Variants in PIP5K1B observed in about 807,000 individuals in gnomAD.
PIP5K1B encodes phosphatidylinositol 4-phosphate 5-kinase type-1 beta.
PIP5K1B carries 42 observed loss-of-function variants against 67.0 expected under a neutral mutation model. The ratio of observed to expected loss-of-function variants is 0.63; its 90% CI spans 0.49 to 0.81. The LOEUF is 0.81. Among genes scored for constraint, PIP5K1B ranks in the 30% least tolerant of loss-of-function variants. PIP5K1B has a pLI of 0.00. For missense variants in PIP5K1B, 459 were observed against 646.3 expected, an observed-to-expected ratio of 0.71 and a Z score of 3.14; for synonymous variants, 214 against 231.4, an observed-to-expected ratio of 0.92 and a Z score of 0.68.
intron 4 of PIP5K1B, among the ~76,000 whole-genome samples, chr9:68,841,466 G>A (rs1020684849): frequency 1.3e-5 from 2 of 152,264 alleles, no homozygotes; most frequent in South Asian, 2.1e-4. Context: ...ATCTCTACGT[G>A]GGGTATAGAG....
At chr9:68,985,473 A>G (rs1454184948) in intron 14 of PIP5K1B, among the ~76,000 whole-genome samples, 1 of 152,020 alleles carries the variant, frequency 6.6e-6, no homozygotes, top group African/African-American at 2.4e-5. Flanking sequence ...GATGGTCTTG[A>G]ACTCCTGACC....
Position 68,887,228 on chromosome 9 carries a change from C to T in PIP5K1B, c.319-1753C>T, listed in dbSNP as rs1824521763. Among the ~76,000 whole-genome samples, 3 of 152,196 alleles carry T rather than the reference C, an allele frequency of 2.0e-5. No individual in the cohort carries two copies. In the South Asian group the frequency reaches 6.2e-4, roughly 31 times the overall value. ...GATGTGTAATGTATTTACTTGTTTA[C>T]TGTCTGTTTCCTCCTACTGGGATAT... On this transcript the variant is annotated intron_variant, in intron 6 of 15. Coordinates refer to ENST00000265382, the MANE Select transcript of PIP5K1B (RefSeq NM_003558.4).
intron 4 of PIP5K1B, among the ~76,000 whole-genome samples, chr9:68,848,174 T>C (rs1822292170): frequency 6.6e-6 from 1 of 152,190 alleles, no homozygotes; most frequent in South Asian, 2.1e-4. Context: ...GCCAGCTAGC[T>C]AATAGAATGG....
At chr9:68,934,545 A>G (rs902358052) in intron 12 of PIP5K1B, among the ~76,000 whole-genome samples, 1 of 152,188 alleles carries the variant, frequency 6.6e-6, no homozygotes, top group Non-Finnish European at 1.5e-5. Flanking sequence ...AGCACTAGAA[A>G]AACATTGTTT....
chr9:68,957,504 G>A (rs1021677562), intron 14 of PIP5K1B, among the ~76,000 whole-genome samples: 6 of 152,192 alleles, frequency 3.9e-5, no homozygotes, highest in African/African-American at 1.4e-4. Context: ...GCATACAAAT[G>A]CATTTAATGT....
At chr9:68,885,754 G>A (rs1824435862) in intron 6 of PIP5K1B, among the ~76,000 whole-genome samples, 3 of 152,092 alleles carry the variant, frequency 2.0e-5, no homozygotes, top group African/African-American at 7.2e-5. Flanking sequence ...CTCAGGTGAT[G>A]GGTGCATTAA....
intron 4 of PIP5K1B, among the ~76,000 whole-genome samples, chr9:68,860,777 T>A (rs988545216): frequency 2.6e-5 from 4 of 152,116 alleles, no homozygotes; most frequent in Admixed American, 6.6e-5. Flanking sequence ...GAGGGTCAAA[T>A]GAGTGAGGAG....
chr9:68,734,565 A>G (rs1024809974), intron 1 of PIP5K1B, among the ~76,000 whole-genome samples: 5 of 152,230 alleles, frequency 3.3e-5, no homozygotes, highest in African/African-American at 7.2e-5. Context: ...TGGACTGGAT[A>G]TAGAAGATCC....
At chr9:68,706,423 A>C (rs1827127601) in intron 1 of PIP5K1B, among the ~76,000 whole-genome samples, 2 of 152,310 alleles carry the variant, frequency 1.3e-5, no homozygotes, top group African/African-American at 4.8e-5. Flanking sequence ...ATGTCTGCTT[A>C]TCTGGCATCT....
chr9:68,774,433 A>G (rs1830813370), intron 2 of PIP5K1B, among the ~76,000 whole-genome samples: 1 of 152,136 alleles, frequency 6.6e-6, no homozygotes, highest in South Asian at 2.1e-4. Context: ...TTTGAATAAG[A>G]TATCTTCCTT....
intron 12 of PIP5K1B, among the ~76,000 whole-genome samples, chr9:68,925,795 ATTT>A (rs71353094): frequency 5.5e-5 from 4 of 73,278 alleles, no homozygotes; most frequent in African/African-American, 2.3e-4. Flanking sequence ...TGTGGTTCCA[ATTT>A]TTTTTTTTTT....
At chr9:68,925,599 T>C (rs1407483116) in intron 12 of PIP5K1B, among the ~76,000 whole-genome samples, 1 of 152,058 alleles carries the variant, frequency 6.6e-6, no homozygotes, top group African/African-American at 2.4e-5. Context: ...ATTAAAGATA[T>C]TAACCCCTTT....
chr9:69,003,645 GAT>G (rs1830930500), intron 15 of PIP5K1B, among the ~76,000 whole-genome samples: 1 of 152,046 alleles, frequency 6.6e-6, no homozygotes, highest in South Asian at 2.1e-4. Flanking sequence ...AGAAATTCTC[GAT>G]ATGTTTGTAA....
At chr9:68,898,819 T>G (rs1825220860) in intron 8 of PIP5K1B, among the ~76,000 whole-genome samples, 1 of 152,206 alleles carries the variant, frequency 6.6e-6, no homozygotes, top group African/African-American at 2.4e-5. Flanking sequence ...CTGCTTTTAT[T>G]GAGACCGTGG....
intron 7 of PIP5K1B, among the ~76,000 whole-genome samples, chr9:68,891,741 A>C (rs1824802170): frequency 6.6e-6 from 1 of 152,178 alleles, no homozygotes; most frequent in Non-Finnish European, 1.5e-5. Flanking sequence ...GTAAATCAGG[A>C]ATTTTTAGAA....
intron 2 of PIP5K1B, chr9:68,784,508 G>GTTC (rs1831497368): frequency 1.2e-5 from 2 of 166,476 alleles, no homozygotes; most frequent in African/African-American, 4.8e-5. Flanking sequence ...TTGCCTTCCA[G>GTTC]TGATTCACAT....
chr9:68,895,549 G>C (rs1825040324), intron 8 of PIP5K1B, among the ~76,000 whole-genome samples: 1 of 151,904 alleles, frequency 6.6e-6, no homozygotes, highest in African/African-American at 2.4e-5. Context: ...CTCACGTGAA[G>C]GTGAGGAAGA....
chr9:68,940,552 A>G (rs923427606), intron 13 of PIP5K1B, 94 bp from the exon 14 acceptor site: 16 of 1,207,742 alleles, frequency 1.3e-5, no homozygotes, highest in Admixed American at 4.8e-5. Flanking sequence ...CTGATAGGTA[A>G]AATGAATGCT....
intron 2 of PIP5K1B, among the ~76,000 whole-genome samples, chr9:68,815,075 A>G (rs1325355272): frequency 6.6e-6 from 1 of 152,130 alleles, no homozygotes; most frequent in Admixed American, 6.6e-5. Flanking sequence ...TGAAATAATA[A>G]TAATAAGTAA....
Sources: gnomAD v4.1 joint callset for allele counts (sites outside exome capture counted in the v4.1 genomes callset) on GRCh38, gnomAD v4.1.1 for gene constraint, MANE v1.5 for transcripts, NCBI Gene and HGNC (gene_info 2026-07-23, HGNC 2026-07-21) for gene names.